Variants in NKAIN3 observed in about 807,000 individuals in gnomAD.
NKAIN3 encodes the protein sodium/potassium-transporting ATPase subunit beta-1-interacting protein 3.
NKAIN3 carries 25 observed loss-of-function variants against 30.2 expected under a neutral mutation model. That is an observed-to-expected ratio of 0.83 (90% CI 0.60 to 1.16). The LOEUF is 1.16. Ranked by LOEUF, NKAIN3 falls within the 50% of genes most tolerant of loss-of-function variation. The probability of loss-of-function intolerance (pLI) is 0.00; values close to 1 mark genes in which losing one functional copy is unlikely to be tolerated. For synonymous variants in NKAIN3, 91 were observed against 89.6 expected, an observed-to-expected ratio of 1.02 and a Z score of -0.09; for missense variants, 225 against 254.1, an observed-to-expected ratio of 0.89 and a Z score of 0.78.
intron 1 of NKAIN3, among the ~76,000 whole-genome samples, chr8:62,502,497 A>G (rs1807487716): frequency 6.6e-6 from 1 of 151,804 alleles, no homozygotes; most frequent in South Asian, 2.1e-4. Flanking sequence ...CTTAATTTCT[A>G]TGACACTTCT....
intron 1 of NKAIN3, among the ~76,000 whole-genome samples, chr8:62,332,413 A>G (rs976084166): frequency 1.3e-5 from 2 of 152,162 alleles, no homozygotes; most frequent in Non-Finnish European, 2.9e-5. Context: ...TTGAATTAGT[A>G]TATATTTGAA....
chr8:62,335,779 T>G (rs1395347657), intron 1 of NKAIN3, among the ~76,000 whole-genome samples: 1 of 152,072 alleles, frequency 6.6e-6, no homozygotes, highest in Non-Finnish European at 1.5e-5. Context: ...CGTTTCTCTC[T>G]TGAATCCATC....
At chr8:62,992,643 G>T (rs948585626) in intron 5 of NKAIN3, among the ~76,000 whole-genome samples, 3 of 151,824 alleles carry the variant, frequency 2.0e-5, no homozygotes, top group African/African-American at 7.3e-5. Context: ...CATGCCATAG[G>T]TCAAGTTTTT....
rs762984058 is a variant in NKAIN3 at position 62,884,210 on chromosome 8, G to A, written c.472-34243G>A. The stretch of plus-strand genomic sequence containing the variant: ...TAGGATAATGCTGGCCTCCTAAAAC[G>A]AGTTAGATCACATACCCTCTGCCTC... On this transcript the variant is annotated intron_variant, in intron 4 of 6. Coordinates refer to ENST00000623646, the MANE Select transcript of NKAIN3 (RefSeq NM_001304533.3). Among the ~76,000 whole-genome samples the A allele has an allele frequency of 3.9e-5, 6 of 152,064 alleles. No individual in the cohort carries two copies. The South Asian group carries it at 1.0e-3, about 26-fold the overall frequency.
At chr8:62,256,240 C>A (rs2129387913) in intron 1 of NKAIN3, among the ~76,000 whole-genome samples, 1 of 151,682 alleles carries the variant, frequency 6.6e-6, no homozygotes. Flanking sequence ...AAGTGAGACC[C>A]TGTCTCTATA....
intron 1 of NKAIN3, among the ~76,000 whole-genome samples, chr8:62,331,157 T>C (rs1815342822): frequency 7.4e-6 from 1 of 135,732 alleles, no homozygotes; most frequent in African/African-American, 2.7e-5. Context: ...CCCCTCTTCC[T>C]CCCCCCCAAA....
intron 4 of NKAIN3, chr8:62,855,553 G>A: frequency 6.5e-7 from 1 of 1,531,284 alleles, no homozygotes; most frequent in Non-Finnish European, 9.0e-7. Flanking sequence ...CAACCACCAG[G>A]GAGTCCAATC....
chr8:62,729,116 T>C (rs1815386508), intron 3 of NKAIN3, among the ~76,000 whole-genome samples: 1 of 148,578 alleles, frequency 6.7e-6, no homozygotes, highest in African/African-American at 2.5e-5. Context: ...GAGAAAATAT[T>C]TGCAAAATAA....
chr8:62,825,704 G>A (rs1167953716), intron 4 of NKAIN3, among the ~76,000 whole-genome samples: 1 of 152,124 alleles, frequency 6.6e-6, no homozygotes, highest in Non-Finnish European at 1.5e-5. Context: ...TATGATATGT[G>A]GTCTAAACAG....
At chr8:62,948,498 A>G (rs1223995318) in intron 5 of NKAIN3, among the ~76,000 whole-genome samples, 1 of 152,166 alleles carries the variant, frequency 6.6e-6, no homozygotes, top group Non-Finnish European at 1.5e-5. Flanking sequence ...GCACCTGGCC[A>G]GTATTTCTTA....
intron 1 of NKAIN3, among the ~76,000 whole-genome samples, chr8:62,298,779 C>G (rs1813930930): frequency 6.6e-6 from 1 of 151,464 alleles, no homozygotes; most frequent in African/African-American, 2.4e-5. Flanking sequence ...TGGCATTTAT[C>G]ATAACCAGTA....
rs1808220546 is a variant in NKAIN3 at position 62,523,666 on chromosome 8, A to C, written c.55-55873A>C. 2.6e-5 allele frequency among the ~76,000 whole-genome samples: 4 copies of C among 152,146 alleles called. No individual in the cohort carries two copies. The South Asian group carries it at 8.3e-4, about 31-fold the overall frequency. On this transcript the variant is annotated intron_variant, in intron 1 of 6. Coordinates refer to ENST00000623646, the MANE Select transcript of NKAIN3 (RefSeq NM_001304533.3). ...AGGTCTACACTATAGGGCGCACAGC[A>C]TGGGACACTGTGGGGCCCTCCAAGG...
At chr8:62,948,020 A>G (rs946870818) in intron 5 of NKAIN3, among the ~76,000 whole-genome samples, 5 of 152,338 alleles carry the variant, frequency 3.3e-5, no homozygotes, top group Non-Finnish European at 7.4e-5. Context: ...ATAGATAACT[A>G]GAGCAAGCAG....
intron 1 of NKAIN3, among the ~76,000 whole-genome samples, chr8:62,454,862 G>A (rs1202171178): frequency 6.6e-6 from 1 of 152,282 alleles, no homozygotes; most frequent in East Asian, 1.9e-4. Context: ...ACAAGAATTC[G>A]AGGTCAGCAG....
intron 4 of NKAIN3, among the ~76,000 whole-genome samples, chr8:62,851,099 T>C (rs1819881180): frequency 6.6e-6 from 1 of 152,108 alleles, no homozygotes; most frequent in Non-Finnish European, 1.5e-5. Context: ...CATGGAATGT[T>C]CTTCCATTTG....
chr8:62,729,236 A>T (rs1212101926), intron 3 of NKAIN3, among the ~76,000 whole-genome samples: 15 of 152,090 alleles, frequency 9.9e-5, no homozygotes, highest in Non-Finnish European at 2.2e-4. Flanking sequence ...CTCAACAAGG[A>T]AGATATGTAG....
intron 1 of NKAIN3, among the ~76,000 whole-genome samples, chr8:62,324,008 A>G (rs978594248): frequency 1.3e-5 from 2 of 152,184 alleles, no homozygotes; most frequent in African/African-American, 4.8e-5. Context: ...GATTTTTAGC[A>G]CAATGAAATG....
intron 1 of NKAIN3, among the ~76,000 whole-genome samples, chr8:62,369,425 G>C (rs1022491253): frequency 4.6e-5 from 7 of 152,048 alleles, no homozygotes; most frequent in Middle Eastern, 3.4e-3. Context: ...TTTCATTTTG[G>C]TTATGCATGT....
At chr8:62,920,332 A>G (rs1224463447) in intron 5 of NKAIN3, among the ~76,000 whole-genome samples, 4 of 152,222 alleles carry the variant, frequency 2.6e-5, no homozygotes, top group African/African-American at 9.6e-5. Context: ...AAAGACTCTC[A>G]AAAGACACCA....
Sources: gnomAD v4.1 joint callset for allele counts (sites outside exome capture counted in the v4.1 genomes callset) on GRCh38, gnomAD v4.1.1 for gene constraint, MANE v1.5 for transcripts, NCBI Gene and HGNC (gene_info 2026-07-23, HGNC 2026-07-21) for gene names.